Variants in NELL2 observed in about 807,000 individuals in gnomAD.
NELL2 encodes the protein protein kinase C-binding protein NELL2.
NELL2 carries 41 observed loss-of-function variants against 109.6 expected under a neutral mutation model. The observed-to-expected ratio is 0.37, with a 90% CI of 0.29 to 0.49. The LOEUF is 0.49. NELL2 is among the 20% of genes least tolerant of loss of function. NELL2 has a pLI of 0.98. For synonymous variants in NELL2, 355 were observed against 344.7 expected, an observed-to-expected ratio of 1.03 and a Z score of -0.33; for missense variants, 900 against 1,008.3, an observed-to-expected ratio of 0.89 and a Z score of 1.45.
At chr12:44,721,677 G>A (rs1294514398) in intron 9 of NELL2, among the ~76,000 whole-genome samples, 4 of 151,834 alleles carry the variant, frequency 2.6e-5, no homozygotes, top group African/African-American at 9.7e-5. Flanking sequence ...TTATAGTGAC[G>A]AAGATATTGA....
intron 1 of NELL2, among the ~76,000 whole-genome samples, chr12:44,906,656 A>T (rs1364782233): frequency 6.6e-6 from 1 of 152,042 alleles, no homozygotes; most frequent in Non-Finnish European, 1.5e-5. Context: ...TTACCTGAAT[A>T]ACTTAACGAA....
At chr12:44,748,672 T>C (rs1940507569) in intron 9 of NELL2, among the ~76,000 whole-genome samples, 3 of 152,142 alleles carry the variant, frequency 2.0e-5, no homozygotes, top group African/African-American at 7.2e-5. Flanking sequence ...GCTTATTAAA[T>C]AGGATTAGAA....
At chr12:44,876,809 C>A, upstream of NELL2, 1 of 1,360,062 alleles carries the variant, frequency 7.4e-7, no homozygotes, top group South Asian at 1.8e-5. Flanking sequence ...GCCACCAAAA[C>A]ACGCTGCACT....
chr12:44,561,611 T>A, intron 15 of NELL2, among the ~76,000 whole-genome samples: 1 of 152,020 alleles, frequency 6.6e-6, no homozygotes. Context: ...ACAACTTACA[T>A]GGGATGTGAA....
intron 17 of NELL2, 88 bp downstream of exon 17, chr12:44,523,203 G>T: frequency 7.7e-7 from 1 of 1,297,796 alleles, no homozygotes; most frequent in Non-Finnish European, 1.1e-6. Flanking sequence ...TGTACACATT[G>T]TCAAAACTCA....
chr12:44,515,930 T>G (rs1941238611), intron 19 of NELL2, among the ~76,000 whole-genome samples: 1 of 151,896 alleles, frequency 6.6e-6, no homozygotes, highest in Non-Finnish European at 1.5e-5. Flanking sequence ...TAGAGTCCAT[T>G]TCCTTTATTT....
At chr12:44,776,834 A>T (rs181454915) in intron 7 of NELL2, among the ~76,000 whole-genome samples, 108 of 152,368 alleles carry the variant, frequency 7.1e-4, no homozygotes, top group Non-Finnish European at 1.2e-3. Context: ...AATCTGCCTC[A>T]TTCCTGATTT....
chr12:44,764,797 C>T (rs1465517154), intron 9 of NELL2, among the ~76,000 whole-genome samples: 1 of 151,924 alleles, frequency 6.6e-6, no homozygotes, highest in Non-Finnish European at 1.5e-5. Flanking sequence ...CAGCTTAAAA[C>T]ATCCCTAAAA....
At chr12:44,547,502 T>A (rs1250394539) in intron 15 of NELL2, among the ~76,000 whole-genome samples, 1 of 152,232 alleles carries the variant, frequency 6.6e-6, no homozygotes, top group African/African-American at 2.4e-5. Flanking sequence ...ATGAATAAGA[T>A]AGCAGTTATC....
chr12:44,528,219 A>C (rs1698416316), intron 16 of NELL2, among the ~76,000 whole-genome samples: 1 of 147,664 alleles, frequency 6.8e-6, no homozygotes, highest in African/African-American at 2.5e-5. Context: ...TTTCCAGAAG[A>C]GTTTTTTTTT....
chr12:44,534,039 C>T (rs1158484074), intron 15 of NELL2, among the ~76,000 whole-genome samples: 5 of 152,108 alleles, frequency 3.3e-5, no homozygotes, highest in African/African-American at 1.2e-4. Flanking sequence ...TTTTTAGAGA[C>T]CTTTCCCCTT....
At chr12:44,678,844 A>G (rs1312684617) in intron 12 of NELL2, among the ~76,000 whole-genome samples, 1 of 152,090 alleles carries the variant, frequency 6.6e-6, no homozygotes, top group Non-Finnish European at 1.5e-5. Context: ...CCTTGGTGAG[A>G]GTAGTACGGA....
chr12:44,865,720 A>G (rs1297277044), intron 2 of NELL2, among the ~76,000 whole-genome samples: 1 of 125,604 alleles, frequency 8.0e-6, no homozygotes, highest in Non-Finnish European at 1.7e-5. Flanking sequence ...GATAGATGAC[A>G]CGTTAGTGGG....
At position 44,906,699 on chromosome 12, in the gene NELL2, G is replaced by C. The variant is rs529702773; in HGVS notation, c.38+7100C>G. Among the ~76,000 whole-genome samples the C allele has an allele frequency of 5.9e-5, 9 of 152,058 alleles. No homozygotes were observed. In the South Asian group the frequency reaches 1.4e-3, roughly 24 times the overall value. ...GGAATTCACTGAGATGAAAAAACTA[G>C]AGGAAGAGATGGAGAAAGGAAGCAG... On this transcript the variant is annotated intron_variant, in intron 1 of 20. Coordinates refer to the NELL2 transcript ENST00000333837.
chr12:44,650,073 A>G (rs1017589330), intron 13 of NELL2, among the ~76,000 whole-genome samples: 1 of 152,208 alleles, frequency 6.6e-6, no homozygotes, highest in Non-Finnish European at 1.5e-5. Context: ...GGAGTTGCAA[A>G]TTGTAACATA....
At chr12:44,781,746 T>G (rs1941968264) in intron 3 of NELL2, among the ~76,000 whole-genome samples, 1 of 152,002 alleles carries the variant, frequency 6.6e-6, no homozygotes, top group South Asian at 2.1e-4. Flanking sequence ...TGGTAAAATA[T>G]TTTTCATGTG....
chr12:44,842,096 G>GGAGGGAGGGAGA (rs1341591236), intron 2 of NELL2, among the ~76,000 whole-genome samples: 3 of 95,008 alleles, frequency 3.2e-5, no homozygotes, highest in African/African-American at 1.2e-4. Flanking sequence ...AGGGAGGGAG[G>GGAGGGAGGGAGA]GAGGGAGGGA....
intron 13 of NELL2, among the ~76,000 whole-genome samples, chr12:44,639,656 T>G (rs1028971689): frequency 2.0e-5 from 3 of 152,170 alleles, no homozygotes; most frequent in Non-Finnish European, 4.4e-5. Context: ...CCTCCTAATC[T>G]GAATTACCAC....
intron 2 of NELL2, among the ~76,000 whole-genome samples, chr12:44,861,172 C>T (rs1227098284): frequency 2.6e-5 from 4 of 152,120 alleles, no homozygotes; most frequent in Non-Finnish European, 4.4e-5. Flanking sequence ...TTTACGTTAC[C>T]CATCTCACCT....
Sources: gnomAD v4.1 joint callset for allele counts (sites outside exome capture counted in the v4.1 genomes callset) on GRCh38, gnomAD v4.1.1 for gene constraint, MANE v1.5 for transcripts, NCBI Gene and HGNC (gene_info 2026-07-23, HGNC 2026-07-21) for gene names.